The following STAU2 variants were observed in gnomAD, a reference collection of about 807,000 sequenced individuals.
The protein encoded by STAU2 is double-stranded RNA-binding protein Staufen homolog 2.
A neutral mutation model predicts 65.9 loss-of-function variants in STAU2; 20 were observed. That is an observed-to-expected ratio of 0.30 (90% CI 0.21 to 0.44). The LOEUF is 0.44. Among genes scored for constraint, STAU2 ranks in the 20% least tolerant of loss-of-function variants. STAU2 has a pLI of 1.00. For synonymous variants in STAU2, 232 were observed against 233.9 expected (o/e 0.99, Z 0.07); for missense variants, 558 against 683.9 (o/e 0.82, Z 2.05).
At chr8:73,746,268 C>A (rs1315127440) in intron 1 of STAU2, among the ~76,000 whole-genome samples, 1 of 152,032 alleles carries the variant, frequency 6.6e-6, no homozygotes, top group East Asian at 1.9e-4. Flanking sequence ...CCTCCAGCGC[C>A]CCCAGGCCCA....
chr8:73,590,139 AGAAG>A (rs1000947959), intron 11 of STAU2, among the ~76,000 whole-genome samples: 4 of 131,856 alleles, frequency 3.0e-5, no homozygotes, highest in African/African-American at 9.5e-5. Flanking sequence ...AGAAATGAGA[AGAAG>A]GAAGGAAGAG....
intron 13 of STAU2, among the ~76,000 whole-genome samples, chr8:73,433,745 C>T (rs1197836570): frequency 6.6e-6 from 1 of 151,924 alleles, no homozygotes; most frequent in Non-Finnish European, 1.5e-5. Context: ...TCAAGCGATC[C>T]ATCTGCCCCA....
intron 3 of STAU2, among the ~76,000 whole-genome samples, chr8:73,735,052 G>A (rs904665600): frequency 1.3e-5 from 2 of 152,074 alleles, no homozygotes; most frequent in Admixed American, 1.3e-4. Context: ...CTCCACCCCA[G>A]CCTCCCAAGT....
chr8:73,608,476 G>A (rs920290810), intron 9 of STAU2, among the ~76,000 whole-genome samples: 5 of 151,554 alleles, frequency 3.3e-5, no homozygotes, highest in Non-Finnish European at 7.4e-5. Flanking sequence ...GCGTGGTGGC[G>A]CACGCCTGTA....
At chr8:73,680,004 T>A (rs1228841068) in intron 5 of STAU2, among the ~76,000 whole-genome samples, 1 of 139,088 alleles carries the variant, frequency 7.2e-6, no homozygotes, top group Non-Finnish European at 1.5e-5. Context: ...TTTTTTTTTT[T>A]ACTTTCATCT....
chr8:73,439,026 A>G (rs1346826797), intron 13 of STAU2: 1 of 456,644 alleles, frequency 2.2e-6, no homozygotes. Flanking sequence ...CTGCATCAGC[A>G]AAACCATCCT....
intron 12 of STAU2, among the ~76,000 whole-genome samples, chr8:73,560,409 G>A (rs1363743008): frequency 6.6e-6 from 1 of 152,102 alleles, no homozygotes; most frequent in African/African-American, 2.4e-5. Flanking sequence ...TGCTCAAAAA[G>A]CATAACCTGA....
chr8:73,527,910 A>C, intron 13 of STAU2: 1 of 75,784 alleles, frequency 1.3e-5, no homozygotes, highest in Non-Finnish European at 2.3e-5. Flanking sequence ...CACTTTAAAT[A>C]TTTAAAACCT....
Position 73,421,422 on chromosome 8 carries a change from G to T in STAU2, c.1663C>A (p.Pro555Thr), listed in dbSNP as rs774883873. Residue 555 changes from proline to threonine, a missense_variant, in exon 15 of 15, where the codon CCC becomes ACC. By Grantham distance (38) the Pro-to-Thr change is conservative. This residue lies in a region of STAU2 where 247 missense variants were observed against 270.1 expected (regional missense o/e 0.91). Coordinates refer to ENST00000524300, the MANE Select transcript of STAU2 (RefSeq NM_001164380.2). The stretch of plus-strand genomic sequence containing the variant: ...CAGTCCTGAGCGATGGAGCCCGGGG[G>T]TGCCTGGTTATTGTCCGCTTTCTCT... ...LREKADNNQAPPGSIAQDCKK... is the reference protein window; with the variant it reads ...LREKADNNQATPGSIAQDCKK... 6.5e-7 allele frequency: 1 copy of T among 1,537,170 alleles called. No individual in the cohort carries two copies. The highest frequency in any genetic ancestry group is 1.4e-5 in the African/African-American group (1 of 73,050).
chr8:73,654,855 T>C (rs1816225739), intron 6 of STAU2, among the ~76,000 whole-genome samples: 1 of 151,354 alleles, frequency 6.6e-6, no homozygotes, highest in Admixed American at 6.6e-5. Context: ...CCCGGCTAAT[T>C]TTTGTATTTT....
intron 13 of STAU2, among the ~76,000 whole-genome samples, chr8:73,443,043 T>G (rs1818276558): frequency 2.0e-5 from 3 of 152,308 alleles, no homozygotes; most frequent in Admixed American, 2.0e-4. Context: ...AACCTCAACT[T>G]GGGCAAGGGA....
chr8:73,471,846 AAGG>A (rs1277300178), intron 13 of STAU2, among the ~76,000 whole-genome samples: 22 of 140,186 alleles, frequency 1.6e-4, no homozygotes, highest in African/African-American at 2.7e-4. Flanking sequence ...AAGAGAGAAG[AAGG>A]AGAAGGAGAA....
At chr8:73,563,769 T>C (rs1342313277) in intron 12 of STAU2, among the ~76,000 whole-genome samples, 2 of 152,130 alleles carry the variant, frequency 1.3e-5, no homozygotes, top group Admixed American at 1.3e-4. Context: ...TCCCAAAGCA[T>C]TGGGATTACA....
At chr8:73,472,464 T>C (rs1820087887) in intron 13 of STAU2, among the ~76,000 whole-genome samples, 1 of 152,166 alleles carries the variant, frequency 6.6e-6, no homozygotes, top group African/African-American at 2.4e-5. Context: ...TATTTTTTTC[T>C]CCTGGGTGTT....
At chr8:73,721,696 A>G (rs1360977563) in intron 3 of STAU2, among the ~76,000 whole-genome samples, 1 of 152,184 alleles carries the variant, frequency 6.6e-6, no homozygotes, top group Admixed American at 6.5e-5. Context: ...TTGCTCTCAA[A>G]TATACTTTAA....
intron 6 of STAU2, among the ~76,000 whole-genome samples, chr8:73,661,868 C>T (rs1362776206): frequency 2.0e-5 from 3 of 152,030 alleles, no homozygotes; most frequent in African/African-American, 7.2e-5. Flanking sequence ...CAATTTGGGG[C>T]TATTATAAAG....
At chr8:73,653,896 T>C (rs1342747495) in intron 6 of STAU2, 1 of 443,084 alleles carries the variant, frequency 2.3e-6, no homozygotes, top group Non-Finnish European at 4.5e-6. Flanking sequence ...TAACTCTTCA[T>C]CTGAAAATCA....
At chr8:73,735,643 G>A (rs1297502492) in intron 3 of STAU2, among the ~76,000 whole-genome samples, 2 of 152,166 alleles carry the variant, frequency 1.3e-5, no homozygotes, top group East Asian at 1.9e-4. Context: ...CCAGTGCCAA[G>A]CATTTTGGAT....
chr8:73,576,997 A>G (rs1028505772), intron 12 of STAU2, among the ~76,000 whole-genome samples: 2 of 152,218 alleles, frequency 1.3e-5, no homozygotes, highest in African/African-American at 4.8e-5. Context: ...TACACAGTAC[A>G]TATTCTAAAT....
Sources: gnomAD v4.1 joint callset for allele counts (sites outside exome capture counted in the v4.1 genomes callset) on GRCh38, gnomAD v4.1.1 for gene constraint, gnomAD v4.1.1 regional missense constraint, MANE v1.5 for transcripts, NCBI Gene and HGNC (gene_info 2026-07-23, HGNC 2026-07-21) for gene names.